Variants in DMRT1 observed in about 807,000 individuals in gnomAD.
DMRT1 encodes the protein doublesex and mab-3 related transcription factor 1.
DMRT1 carries 7 observed loss-of-function variants against 32.3 expected under a neutral mutation model. The ratio of observed to expected loss-of-function variants is 0.22; its 90% CI spans 0.12 to 0.41. DMRT1 has a LOEUF of 0.41. Among genes scored for constraint, DMRT1 ranks in the 10% least tolerant of loss-of-function variants. DMRT1 has a pLI of 1.00. For synonymous variants in DMRT1, 278 were observed against 206.1 expected (o/e 1.35, Z -2.99); for missense variants, 625 against 500.5 (o/e 1.25, Z -2.37).
intron 3 of DMRT1, among the ~76,000 whole-genome samples, chr9:897,612 A>T (rs910585914): frequency 5.9e-5 from 9 of 151,914 alleles, no homozygotes; most frequent in African/African-American, 2.2e-4. Context: ...AAACAAAATT[A>T]AGTAGATTTT....
At chr9:842,569 A>T in intron 1 of DMRT1, 1 of 216,988 alleles carries the variant, frequency 4.6e-6, no homozygotes, top group Non-Finnish European at 9.1e-6. Flanking sequence ...TCCCCCCAGC[A>T]TGGCCGTTGC....
At chr9:863,938 T>C (rs1183143298) in intron 2 of DMRT1, among the ~76,000 whole-genome samples, 1 of 152,112 alleles carries the variant, frequency 6.6e-6, no homozygotes, top group African/African-American at 2.4e-5. Flanking sequence ...GATTGGCCCT[T>C]TTTGATATGA....
intron 2 of DMRT1, among the ~76,000 whole-genome samples, chr9:860,166 G>A (rs947553405): frequency 2.0e-5 from 3 of 152,070 alleles, no homozygotes; most frequent in Admixed American, 6.5e-5. Context: ...GCGTGGTGGC[G>A]CATGCCTGTA....
chr9:901,982 A>G (rs1216252164), intron 3 of DMRT1, among the ~76,000 whole-genome samples: 2 of 141,184 alleles, frequency 1.4e-5, no homozygotes, highest in African/African-American at 2.7e-5. Flanking sequence ...ATGCGATCTC[A>G]GCCCACTGCA....
intron 1 of DMRT1, chr9:842,418 A>G (rs1199474859): frequency 5.0e-6 from 3 of 602,582 alleles, no homozygotes; most frequent in Non-Finnish European, 8.5e-6. Flanking sequence ...TATTTTTAGT[A>G]GAGACGGGGG....
At chr9:891,356 T>C (rs901266830) in intron 2 of DMRT1, among the ~76,000 whole-genome samples, 1 of 151,644 alleles carries the variant, frequency 6.6e-6, no homozygotes, top group African/African-American at 2.4e-5. Context: ...GCTGCTGAGG[T>C]GGGAGGATCG....
Position 872,263 on chromosome 9 carries a change from A to G in DMRT1, c.539-21649A>G, listed in dbSNP as rs113404980. ...TTTTTAGTAGAGATAGGGTTTCACC[A>G]TGTTGGCCAGGCTGGTCTCGAACTC... On this transcript the variant is annotated intron_variant, in intron 2 of 4. Transcript: ENST00000382276. Among the ~76,000 whole-genome samples, 279 of 145,820 alleles carry G rather than the reference A, an allele frequency of 1.9e-3. 17 individuals are homozygous for G. The highest frequency in any genetic ancestry group is 7.1e-3 in the African/African-American group (254 of 35,882).
intron 2 of DMRT1, among the ~76,000 whole-genome samples, chr9:879,076 A>G (rs1816626914): frequency 6.6e-6 from 1 of 152,180 alleles, no homozygotes; most frequent in South Asian, 2.1e-4. Flanking sequence ...ATTGCTGTCT[A>G]CTAATAACAC....
At chr9:910,306 A>G (rs909386528) in intron 3 of DMRT1, among the ~76,000 whole-genome samples, 4 of 151,810 alleles carry the variant, frequency 2.6e-5, no homozygotes, top group African/African-American at 9.7e-5. Flanking sequence ...AACAAATGAA[A>G]AAACTTAGAA....
At chr9:863,877 A>G (rs187843378) in intron 2 of DMRT1, among the ~76,000 whole-genome samples, 2 of 152,186 alleles carry the variant, frequency 1.3e-5, no homozygotes, top group East Asian at 3.9e-4. Context: ...TCCTTTGCCC[A>G]TTTCTCTATT....
chr9:884,489 G>A (rs1267241576), intron 2 of DMRT1, among the ~76,000 whole-genome samples: 1 of 152,134 alleles, frequency 6.6e-6, no homozygotes, highest in Non-Finnish European at 1.5e-5. Context: ...GAGCTCATAA[G>A]CAACATCTCT....
At chr9:913,750 G>A (rs147835961) in intron 3 of DMRT1, among the ~76,000 whole-genome samples, 2,891 of 152,088 alleles carry the variant, frequency 0.019, 24 homozygotes, top group Non-Finnish European at 0.021. Flanking sequence ...AAAATTAGCC[G>A]GACGTGGTGG....
At chr9:943,475 T>C (rs1417563080) in intron 4 of DMRT1, among the ~76,000 whole-genome samples, 5 of 152,206 alleles carry the variant, frequency 3.3e-5, no homozygotes, top group African/African-American at 1.2e-4. Context: ...ACGAGGACAC[T>C]CTCTCAACAG....
intron 2 of DMRT1, among the ~76,000 whole-genome samples, chr9:848,954 C>G (rs1839024346): frequency 1.5e-5 from 2 of 130,226 alleles, no homozygotes; most frequent in South Asian, 4.8e-4. Context: ...CTAAATAATA[C>G]AGGGTCATGG....
intron 4 of DMRT1, among the ~76,000 whole-genome samples, chr9:931,253 A>C (rs1818716033): frequency 6.6e-6 from 1 of 152,212 alleles, no homozygotes; most frequent in Non-Finnish European, 1.5e-5. Flanking sequence ...GTTTATTTTT[A>C]GTTCAAAAAC....
At chr9:908,031 G>C (rs888952683) in intron 3 of DMRT1, among the ~76,000 whole-genome samples, 2 of 152,148 alleles carry the variant, frequency 1.3e-5, no homozygotes, top group Non-Finnish European at 2.9e-5. Flanking sequence ...AAAATAATTT[G>C]GCCTTTGTAA....
chr9:949,992 T>C (rs556073233), intron 4 of DMRT1, among the ~76,000 whole-genome samples: 57 of 152,212 alleles, frequency 3.7e-4, no homozygotes, highest in Non-Finnish European at 5.6e-4. Flanking sequence ...ATGCATTCCT[T>C]GGGTACTGTG....
rs576559897 is a variant in DMRT1, at chr9:847,220, C to A, written c.538+77C>A. On this transcript the variant is annotated intron_variant, in intron 2 of 4. Coordinates refer to ENST00000382276, the MANE Select transcript of DMRT1 (RefSeq NM_021951.3). ...AAGGGTTGCAGCCACAGAAGCAGGG[C>A]TCCCCTGAGCTACATACAGTGTTTA... is the stretch of plus-strand genomic sequence containing the variant. The A allele has an allele frequency of 1.4e-4, 207 of 1,435,792 alleles. 1 individual carries two copies. The African/African-American group carries it at 2.7e-3, about 19-fold the overall frequency. 88.9% of individuals were successfully genotyped at this position (1,435,792 alleles called of 1,614,324 possible).
At position 942,120 on chromosome 9, in the gene DMRT1, A is replaced by G. The variant is rs866452425; in HGVS notation, c.967+25213A>G. Among the ~76,000 whole-genome samples, 3 of 152,314 alleles carry G rather than the reference A, an allele frequency of 2.0e-5. No homozygotes were observed. The Middle Eastern group carries it at 0.01, about 518-fold the overall frequency. ...ATGACAACATCTTGGTATTTGAATA[A>G]AATTGCCCATGACCATCTAGGCCTT... On this transcript the variant is annotated intron_variant, in intron 4 of 4. Transcript: ENST00000382276.
Sources: allele counts gnomAD v4.1 joint callset (sites outside exome capture counted in the v4.1 genomes callset), GRCh38; gene constraint gnomAD v4.1.1; transcripts MANE v1.5; gene names NCBI Gene and HGNC (gene_info 2026-07-23, HGNC 2026-07-21).